NPSR1: variants seen among roughly 807,000 people sequenced by gnomAD.
NPSR1 encodes neuropeptide S receptor.
A neutral mutation model predicts 46.9 loss-of-function variants in NPSR1; 48 were observed. The observed-to-expected ratio is 1.02, with a 90% CI of 0.81 to 1.30. NPSR1 has a LOEUF of 1.30. NPSR1 is among the 50% of genes most tolerant of loss of function. The probability of loss-of-function intolerance (pLI) is 0.00; values close to 1 mark genes in which losing one functional copy is unlikely to be tolerated. For synonymous variants in NPSR1, 176 were observed against 168.1 expected (o/e 1.05, Z -0.36); for missense variants, 450 against 449.5 (o/e 1.00, Z -0.01).
At chr7:34,826,055 A>G (rs1789820002) in intron 4 of NPSR1, among the ~76,000 whole-genome samples, 1 of 152,158 alleles carries the variant, frequency 6.6e-6, no homozygotes, top group Non-Finnish European at 1.5e-5. Flanking sequence ...AATGTTTACC[A>G]CTTAATGTGT....
At chr7:34,795,197 T>C (rs1233614691) in intron 3 of NPSR1, among the ~76,000 whole-genome samples, 4 of 152,132 alleles carry the variant, frequency 2.6e-5, no homozygotes, top group African/African-American at 9.7e-5. Context: ...TTAAAAAGTG[T>C]TTAACAAATT....
Position 34,794,499 on chromosome 7 carries a change from T to C in NPSR1, c.384+15934T>C, listed in dbSNP as rs142808916. On this transcript the variant is annotated intron_variant, in intron 3 of 8. Coordinates refer to ENST00000360581, the MANE Select transcript of NPSR1 (RefSeq NM_207172.2). ...CTATTATAACTCATACAGGGAGAAATAGGCAATCTAAATACTGTTAATTGT... is the reference window on the plus strand; with the variant it reads ...CTATTATAACTCATACAGGGAGAAACAGGCAATCTAAATACTGTTAATTGT... Among the ~76,000 whole-genome samples, 226 of 152,176 alleles carry C rather than the reference T, an allele frequency of 1.5e-3. 2 individuals are homozygous for C. The highest frequency in any genetic ancestry group is 5.0e-3 in the African/African-American group (206 of 41,518).
intron 2 of NPSR1, among the ~76,000 whole-genome samples, chr7:34,697,113 G>A (rs1207631896): frequency 6.6e-6 from 1 of 151,862 alleles, no homozygotes; most frequent in East Asian, 1.9e-4. Flanking sequence ...GTTGGAGGTT[G>A]GTGGTGAGTA....
intron 2 of NPSR1, among the ~76,000 whole-genome samples, chr7:34,717,944 C>T (rs1371181207): frequency 2.6e-5 from 4 of 152,176 alleles, no homozygotes; most frequent in Admixed American, 2.0e-4. Flanking sequence ...CCACTGTGAC[C>T]CTTCTGGGTG....
At chr7:34,689,497 C>T (rs1470073767) in intron 2 of NPSR1, among the ~76,000 whole-genome samples, 5 of 146,878 alleles carry the variant, frequency 3.4e-5, no homozygotes, top group Non-Finnish European at 4.5e-5. Context: ...CACAGCTACT[C>T]GGGAGGCTGA....
At chr7:34,773,483 T>G (rs1410105021) in intron 2 of NPSR1, among the ~76,000 whole-genome samples, 1 of 152,108 alleles carries the variant, frequency 6.6e-6, no homozygotes, top group Non-Finnish European at 1.5e-5. Flanking sequence ...TGACTATGAC[T>G]CAGAGATCAG....
At chr7:34,846,458 C>T (rs1395777953) in intron 7 of NPSR1, among the ~76,000 whole-genome samples, 1 of 151,560 alleles carries the variant, frequency 6.6e-6, no homozygotes, top group African/African-American at 2.4e-5. Flanking sequence ...TAATATATTG[C>T]CCAAAAAATA....
chr7:34,689,360 C>T (rs948082901), intron 2 of NPSR1, among the ~76,000 whole-genome samples: 1 of 152,112 alleles, frequency 6.6e-6, no homozygotes, highest in South Asian at 2.1e-4. Flanking sequence ...AATCCCAGCA[C>T]TTTGGGAGGC....
chr7:34,703,179 G>A (rs1793925372), intron 2 of NPSR1, among the ~76,000 whole-genome samples: 1 of 152,174 alleles, frequency 6.6e-6, no homozygotes, highest in Admixed American at 6.5e-5. Context: ...CTAACACGGT[G>A]AAACCCCGTC....
At chr7:34,858,345 C>G (rs539480084) in intron 8 of NPSR1, among the ~76,000 whole-genome samples, 1 of 151,702 alleles carries the variant, frequency 6.6e-6, no homozygotes, top group Admixed American at 6.6e-5. Flanking sequence ...CAATGGAATA[C>G]TTTACAGCAA....
intron 2 of NPSR1, among the ~76,000 whole-genome samples, chr7:34,696,622 T>C (rs1462430309): frequency 6.6e-6 from 1 of 151,888 alleles, no homozygotes; most frequent in African/African-American, 2.4e-5. Flanking sequence ...GAAGAAATCA[T>C]TGAACTGGAA....
intron 2 of NPSR1, among the ~76,000 whole-genome samples, chr7:34,768,736 G>A (rs1486406950): frequency 6.6e-6 from 1 of 152,186 alleles, no homozygotes; most frequent in East Asian, 1.9e-4. Flanking sequence ...ATTTAGATTA[G>A]TTAGGAAACT....
At chr7:34,691,511 G>T (rs537015431) in intron 2 of NPSR1, among the ~76,000 whole-genome samples, 1 of 152,164 alleles carries the variant, frequency 6.6e-6, no homozygotes, top group African/African-American at 2.4e-5. Flanking sequence ...AAGTAAAGGG[G>T]TGGGAAAATA....
rs201063902 is a variant in NPSR1, at chr7:34,844,922, C to A, written c.784C>A (p.Arg262=). ...TGGGAAACTGTGCAGCAGCTATAAC[C>A]GAGGACTCATCTCAAAGGCAAAAAT... ...SDGKLCSSYN[R]GLISKAKIKA... The change falls in exon 7 of 9, where the codon CGA becomes AGA. Residue 262 remains arginine, a synonymous_variant. Transcript: ENST00000360581. 1.6e-5 allele frequency: 25 copies of A among 1,611,676 alleles called. 1 individual carries two copies. In the South Asian group the frequency reaches 2.7e-4, roughly 18 times the overall value.
chr7:34,798,923 G>A lies in NPSR1; in HGVS notation c.385-12847G>A, dbSNP rs1049904222. 7.2e-5 allele frequency among the ~76,000 whole-genome samples: 11 copies of A among 152,106 alleles called. 1 individual carries two copies. The South Asian group carries it at 1.0e-3, about 14-fold the overall frequency. ...GAAATATTTTGAAATAAATGAAAATGTAACATCATAGTTTGTAGGATGCAG... is the reference window on the plus strand; with the variant it reads ...GAAATATTTTGAAATAAATGAAAATATAACATCATAGTTTGTAGGATGCAG... On this transcript the variant is annotated intron_variant, in intron 3 of 8. Coordinates refer to ENST00000360581, the MANE Select transcript of NPSR1 (RefSeq NM_207172.2).
At chr7:34,738,912 C>A (rs966946262) in intron 2 of NPSR1, among the ~76,000 whole-genome samples, 6 of 152,162 alleles carry the variant, frequency 3.9e-5, no homozygotes, top group African/African-American at 1.4e-4. Context: ...CCCACACCCC[C>A]CATCCAGCCC....
intron 4 of NPSR1, among the ~76,000 whole-genome samples, chr7:34,822,949 A>G (rs1789626648): frequency 6.6e-6 from 1 of 152,184 alleles, no homozygotes; most frequent in Admixed American, 6.5e-5. Context: ...CCATAAACAA[A>G]CTTAAAAAGC....
At chr7:34,664,911 T>C (rs1427546336) in intron 1 of NPSR1, among the ~76,000 whole-genome samples, 1 of 152,176 alleles carries the variant, frequency 6.6e-6, no homozygotes, top group Non-Finnish European at 1.5e-5. Flanking sequence ...ACTTAGGCAA[T>C]ATTGATGGCT....
At chr7:34,780,608 A>G (rs1041448378) in intron 3 of NPSR1, among the ~76,000 whole-genome samples, 4 of 152,150 alleles carry the variant, frequency 2.6e-5, no homozygotes, top group African/African-American at 9.7e-5. Flanking sequence ...CAGTGAGAAA[A>G]ATGAGCTTTG....
Sources: gnomAD v4.1 joint callset for allele counts (sites outside exome capture counted in the v4.1 genomes callset) on GRCh38, gnomAD v4.1.1 for gene constraint, MANE v1.5 for transcripts, NCBI Gene and HGNC (gene_info 2026-07-23, HGNC 2026-07-21) for gene names.